Variants in KCNE4 observed in about 807,000 individuals in gnomAD.
KCNE4 encodes the protein potassium voltage-gated channel subfamily E regulatory subunit 4.
KCNE4 carries 6 observed loss-of-function variants against 9.2 expected under a neutral mutation model. That is an observed-to-expected ratio of 0.65 (90% CI 0.36 to 1.29). The LOEUF (loss-of-function observed/expected upper bound fraction) is 1.29. Among genes scored for constraint, KCNE4 ranks in the 50% most tolerant of loss-of-function variants. The pLI, the probability that KCNE4 is intolerant of heterozygous loss-of-function variation, is 0.03. For missense variants in KCNE4, 222 were observed against 228.8 expected, an observed-to-expected ratio of 0.97 and a Z score of 0.19; for synonymous variants, 115 against 103.2, an observed-to-expected ratio of 1.11 and a Z score of -0.70.
rs928146897 is a variant in KCNE4 at position 223,053,370 on chromosome 2, C to T, written c.*27C>T. ...ACCCCCGGGACCCCTGCCGGTGGCT[C>T]CATCAGCCAGCAACCTTAGAGAGAG... On this transcript the variant is annotated 3_prime_UTR_variant, in exon 2 of 2. Coordinates refer to ENST00000281830, the MANE Select transcript of KCNE4 (RefSeq NM_080671.4). This position sits in a 1 kb window ranked among gnomAD's most constrained non-coding sequence, Gnocchi z 4.1. 6 of 1,598,028 alleles carry T rather than the reference C, an allele frequency of 3.8e-6. No individual in the cohort carries two copies. Among genetic ancestry groups the T allele is most frequent in the Non-Finnish European group, 5.1e-6 (6 of 1,168,848 alleles).
Position 223,054,700 on chromosome 2 carries a change from C to G in KCNE4, c.*1357C>G, listed in dbSNP as rs1219427814. 2 of 166,942 alleles carry G rather than the reference C, an allele frequency of 1.2e-5. No individual in the cohort carries two copies. Among genetic ancestry groups the G allele is most frequent in the East Asian group, 3.9e-4 (2 of 5,188 alleles). 10.3% of individuals were successfully genotyped at this position (166,942 alleles called of 1,614,324 possible). A position where few individuals can be genotyped will look rare whatever the true frequency, so the allele number is the denominator to read the frequency against. On this transcript the variant is annotated 3_prime_UTR_variant, in exon 2 of 2. Coordinates refer to ENST00000281830, the MANE Select transcript of KCNE4 (RefSeq NM_080671.4). Reference sequence around the variant, plus strand: ...GTTAACACTCCCAGCTAAGGGAAAGCAAAGTCTAAAGGAAAACACACAGGA... The same window carrying G: ...GTTAACACTCCCAGCTAAGGGAAAGGAAAGTCTAAAGGAAAACACACAGGA...
rs41311849 is a variant in KCNE4, at chr2:223,055,605, A to G, written c.*2262A>G. 9.5e-3 allele frequency: 1,564 copies of G among 164,840 alleles called. 15 individuals are homozygous for G. The highest frequency in any genetic ancestry group is 0.039 in the South Asian group (189 of 4,832). The allele number at this position is 164,840 out of a possible 1,614,324, so 10.2% of individuals were successfully genotyped here. A position where few individuals can be genotyped will look rare whatever the true frequency, so the allele number is the denominator to read the frequency against. On this transcript the variant is annotated 3_prime_UTR_variant, in exon 2 of 2. Coordinates refer to ENST00000281830, the MANE Select transcript of KCNE4 (RefSeq NM_080671.4). ...ACAATATTTTTTAATTTAAATAAAT[A>G]AACACATTTTTTCCCTCCTGGGAAG...
Position 223,053,384 on chromosome 2 carries a change from C to A in KCNE4, c.*41C>A. 5.7e-6 allele frequency: 9 copies of A among 1,569,342 alleles called. No homozygotes were observed. The highest frequency in any genetic ancestry group is 7.9e-6 in the Non-Finnish European group (9 of 1,146,162). ...TGCCGGTGGCTCCATCAGCCAGCAA[C>A]CTTAGAGAGAGGAAAGACAGTTTTC... On this transcript the variant is annotated 3_prime_UTR_variant, in exon 2 of 2. Coordinates refer to ENST00000281830, the MANE Select transcript of KCNE4 (RefSeq NM_080671.4). The surrounding 1 kb of genome is among the most constrained non-coding windows in gnomAD (Gnocchi z 4.1).
In KCNE4 at chr2:223,053,217, C is replaced by T. The variant is rs1333618908; in HGVS notation, c.387C>T (p.Ser129=). Residue 129 remains serine, a synonymous_variant, in exon 2 of 2, where the codon TCC becomes TCT. Coordinates refer to ENST00000281830, the MANE Select transcript of KCNE4 (RefSeq NM_080671.4). The surrounding 1 kb of genome is among the most constrained non-coding windows in gnomAD (Gnocchi z 4.1). Reference sequence around the variant, plus strand: ...AAGGGGACAGCGTGAGCTCCGAGTCCTCCTCCCCGGACGTGCACCTCACCA... The same window carrying T: ...AAGGGGACAGCGTGAGCTCCGAGTCTTCCTCCCCGGACGTGCACCTCACCA... ...SMEGDSVSSE[S]SSPDVHLTIQ... The T allele has an allele frequency of 6.8e-6, 11 of 1,613,476 alleles. No individual in the cohort carries two copies. Among genetic ancestry groups the T allele is most frequent in the South Asian group, 1.1e-5 (1 of 91,058 alleles).
rs36085083 is a variant in KCNE4, at chr2:223,055,159, C to CTTT, written c.*1827_*1829dup. The CTTT allele has an allele frequency of 6.0e-4, 95 of 157,712 alleles. 1 individual carries two copies. The highest frequency in any genetic ancestry group is 1.9e-3 in the African/African-American group (75 of 40,192). The allele number at this position is 157,712 out of a possible 1,614,324, so 9.8% of individuals were successfully genotyped here. Reference sequence around the variant, plus strand: ...AGGCATGAGCCACTGCACCCGGCCACTTTTTTTTTTTTTAAAGAAAAATGC... The same window carrying CTTT: ...AGGCATGAGCCACTGCACCCGGCCACTTTTTTTTTTTTTTTTAAAGAAAAATGC... On this transcript the variant is annotated 3_prime_UTR_variant, in exon 2 of 2. Coordinates refer to ENST00000281830, the MANE Select transcript of KCNE4 (RefSeq NM_080671.4).
Position 223,053,487 on chromosome 2 carries a change from G to A in KCNE4, c.*144G>A. ...GTAAACCCCTGATTCGGGGTGGGGT[G>A]GGGGACTAGGCTCAGCCGGAACCAG... is the stretch of plus-strand genomic sequence containing the variant. On this transcript the variant is annotated 3_prime_UTR_variant, in exon 2 of 2. Transcript: ENST00000281830. This position sits in a 1 kb window ranked among gnomAD's most constrained non-coding sequence, Gnocchi z 4.1. The A allele has an allele frequency of 4.5e-6, 4 of 882,132 alleles. No individual in the cohort carries two copies. Among genetic ancestry groups the A allele is most frequent in the East Asian group, 2.7e-5 (1 of 37,734 alleles). 54.6% of individuals were successfully genotyped at this position (882,132 alleles called of 1,614,324 possible).
Position 223,053,220 on chromosome 2 carries a change from C to T in KCNE4, c.390C>T (p.Ser130=). 6.2e-7 allele frequency: 1 copy of T among 1,613,548 alleles called. No individual in the cohort carries two copies. Among genetic ancestry groups the T allele is most frequent in the Non-Finnish European group, 8.5e-7 (1 of 1,179,726 alleles). Residue 130 remains serine, a synonymous_variant, in exon 2 of 2, where the codon TCC becomes TCT. Transcript: ENST00000281830. The surrounding 1 kb of genome is among the most constrained non-coding windows in gnomAD (Gnocchi z 4.1). ...GGGACAGCGTGAGCTCCGAGTCCTC[C>T]TCCCCGGACGTGCACCTCACCATTC... The part of the protein sequence containing the change: ...MEGDSVSSES[S]SPDVHLTIQE...
rs1698715900 is a variant in KCNE4 at position 223,052,907 on chromosome 2, C to T, written c.77C>T (p.Ala26Val). 1 of 1,613,888 alleles carries T rather than the reference C, an allele frequency of 6.2e-7. No individual in the cohort carries two copies. The highest frequency in any genetic ancestry group is 1.1e-5 in the South Asian group (1 of 91,092). ...ASSSPLESRAAGGGSGNGNEY... is the reference protein window; with the variant it reads ...ASSSPLESRAVGGGSGNGNEY... ...AGCAGCCCCCTGGAGTCCCGTGCGG[C>T]CGGCGGCGGCAGCGGCAATGGCAAC... Residue 26 changes from alanine (A) to valine (V), a missense_variant, in exon 2 of 2, where the codon GCC becomes GTC. Transcript: ENST00000281830.
At chr2:223,052,472 A>G (rs755247381) in intron 1 of KCNE4, among the ~76,000 whole-genome samples, 198 bp downstream of exon 1, 2 of 150,550 alleles carry the variant, frequency 1.3e-5, no homozygotes, top group Non-Finnish European at 2.9e-5. Flanking sequence ...TACGTTTCCC[A>G]GTTTTAAAGA....
rs887530788 is a variant in KCNE4 at position 223,055,543 on chromosome 2, T to C, written c.*2200T>C. On this transcript the variant is annotated 3_prime_UTR_variant, in exon 2 of 2. Transcript: ENST00000281830. Reference sequence around the variant, plus strand: ...TTCCTTCTTATTCTGTTGAGTTGTATAGAATTGTCTTTTGTATTTAACACT... The same window carrying C: ...TTCCTTCTTATTCTGTTGAGTTGTACAGAATTGTCTTTTGTATTTAACACT... 2 of 167,072 alleles carry C rather than the reference T, an allele frequency of 1.2e-5. No individual in the cohort carries two copies. Among genetic ancestry groups the C allele is most frequent in the African/African-American group, 2.4e-5 (1 of 41,464 alleles). The allele number at this position is 167,072 out of a possible 1,614,324, so 10.3% of individuals were successfully genotyped here.
In KCNE4 at chr2:223,052,227, G is replaced by A; in HGVS notation, c.-71G>A. 2 of 1,235,766 alleles carry A rather than the reference G, an allele frequency of 1.6e-6. No homozygotes were observed. Among genetic ancestry groups the A allele is most frequent in the Non-Finnish European group, 2.0e-6 (2 of 990,526 alleles). The allele number at this position is 1,235,766 out of a possible 1,614,324, so 76.6% of individuals were successfully genotyped here. A position where few individuals can be genotyped will look rare whatever the true frequency, so the allele number is the denominator to read the frequency against. ...CGGACAGAGCAGAAGAACCCTCTTG[G>A]ACTGGACGATTTGGGAATTCAAAAC... On this transcript the variant is annotated 5_prime_UTR_variant, in exon 1 of 2. Coordinates refer to ENST00000281830, the MANE Select transcript of KCNE4 (RefSeq NM_080671.4).
chr2:223,054,836 T>C lies in KCNE4; in HGVS notation c.*1493T>C, dbSNP rs1043762637. On this transcript the variant is annotated 3_prime_UTR_variant, in exon 2 of 2. Coordinates refer to ENST00000281830, the MANE Select transcript of KCNE4 (RefSeq NM_080671.4). ...CAAATTTAAATCTATTTAAAAAAACTTTTAAAAAAATTATTTATTTATTAT... is the reference window on the plus strand; with the variant it reads ...CAAATTTAAATCTATTTAAAAAAACCTTTAAAAAAATTATTTATTTATTAT... The C allele has an allele frequency of 1.3e-4, 21 of 166,596 alleles. No homozygotes were observed. Among genetic ancestry groups the C allele is most frequent in the African/African-American group, 5.1e-4 (21 of 41,464 alleles). The allele number at this position is 166,596 out of a possible 1,614,324, so 10.3% of individuals were successfully genotyped here.
chr2:223,053,476 CG>C lies in KCNE4; in HGVS notation c.*137del, dbSNP rs776220796. 6 of 976,410 alleles carry C rather than the reference CG, an allele frequency of 6.1e-6. No individual in the cohort carries two copies. Among genetic ancestry groups the C allele is most frequent in the Non-Finnish European group, 9.5e-6 (6 of 630,552 alleles). The allele number at this position is 976,410 out of a possible 1,614,324, so 60.5% of individuals were successfully genotyped here. On this transcript the variant is annotated 3_prime_UTR_variant, in exon 2 of 2. Coordinates refer to ENST00000281830, the MANE Select transcript of KCNE4 (RefSeq NM_080671.4). The surrounding 1 kb of genome is among the most constrained non-coding windows in gnomAD (Gnocchi z 4.1). Reference sequence around the variant, plus strand: ...AGAGACCCTTGGTAAACCCCTGATTCGGGGTGGGGTGGGGGACTAGGCTCAG... The same window carrying C: ...AGAGACCCTTGGTAAACCCCTGATTCGGGTGGGGTGGGGGACTAGGCTCAG...
intron 1 of KCNE4, among the ~76,000 whole-genome samples, 157 bp downstream of exon 1, chr2:223,052,431 C>T (rs1333326033): frequency 2.2e-4 from 34 of 152,016 alleles, no homozygotes; most frequent in Admixed American, 2.2e-3. Flanking sequence ...TTTGGAAACA[C>T]AATGTAAACT....
Position 223,053,094 on chromosome 2 carries a change from T to G in KCNE4, c.264T>G (p.Pro88=), listed in dbSNP as rs10201907. Residue 88 remains proline, a synonymous_variant, in exon 2 of 2, where the codon CCT becomes CCG. Coordinates refer to ENST00000281830, the MANE Select transcript of KCNE4 (RefSeq NM_080671.4). This position sits in a 1 kb window ranked among gnomAD's most constrained non-coding sequence, Gnocchi z 4.1. ...GGGGGGAGGCCATGAAGCCGCTGCC[T>G]GTGGTGTCGGGCCTGAGGTCGGTGC... ...RLWGEAMKPL[P]VVSGLRSVQV... is the part of the protein sequence containing the mutation. 2.5e-6 allele frequency: 4 copies of G among 1,613,908 alleles called. No individual in the cohort carries two copies. The highest frequency in any genetic ancestry group is 3.4e-6 in the Non-Finnish European group (4 of 1,180,024).
chr2:223,053,114 C>A lies in KCNE4; in HGVS notation c.284C>A (p.Ser95Ter). 6.2e-7 allele frequency: 1 copy of A among 1,613,722 alleles called. No individual in the cohort carries two copies. The highest frequency in any genetic ancestry group is 1.1e-5 in the South Asian group (1 of 91,064). The change falls in exon 2 of 2, where the codon TCG becomes TAG. Residue 95 changes from serine (S) to a stop codon, truncating the protein, a stop_gained. Transcript: ENST00000281830. LOFTEE classifies it high-confidence loss of function. The surrounding 1 kb of genome is among the most constrained non-coding windows in gnomAD (Gnocchi z 4.1). ...CTGCCTGTGGTGTCGGGCCTGAGGT[C>A]GGTGCAGGTGCCCCTGATGCTGAAC... ...KPLPVVSGLRSVQVPLMLNML... is the reference protein window; with the variant it reads ...KPLPVVSGLR
chr2:223,054,802 G>C lies in KCNE4; in HGVS notation c.*1459G>C, dbSNP rs892553956. 2 of 166,650 alleles carry C rather than the reference G, an allele frequency of 1.2e-5. No individual in the cohort carries two copies. Among genetic ancestry groups the C allele is most frequent in the Non-Finnish European group, 2.9e-5 (2 of 68,102 alleles). The allele number at this position is 166,650 out of a possible 1,614,324, so 10.3% of individuals were successfully genotyped here. On this transcript the variant is annotated 3_prime_UTR_variant, in exon 2 of 2. Transcript: ENST00000281830. ...TTAGGCCCTTAAAGACAAGGAGGAA[G>C]TAAAAGGTCAAATTTAAATCTATTT...
At position 223,053,063 on chromosome 2, in the gene KCNE4, G is replaced by C. The variant is rs769218724; in HGVS notation, c.233G>C (p.Arg78Pro). The change falls in exon 2 of 2, where the codon CGG (arginine) becomes CCG (proline). Residue 78 changes from arginine to proline, a missense_variant. By Grantham distance (103) the Arg-to-Pro change is moderately radical. Transcript: ENST00000281830. The surrounding 1 kb of genome is among the most constrained non-coding windows in gnomAD (Gnocchi z 4.1). ...SLLLLYKDEE[R>P]LWGEAMKPLP... The stretch of plus-strand genomic sequence containing the variant: ...CTGCTGCTGTACAAAGACGAGGAGC[G>C]GCTCTGGGGGGAGGCCATGAAGCCG... The C allele has an allele frequency of 3.1e-6, 5 of 1,613,896 alleles. No homozygotes were observed. The highest frequency in any genetic ancestry group is 2.5e-6 in the Non-Finnish European group (3 of 1,180,000).
rs1698749560 is a variant in KCNE4, at chr2:223,055,218, G to A, written c.*1875G>A. On this transcript the variant is annotated 3_prime_UTR_variant, in exon 2 of 2. Transcript: ENST00000281830. ...GATTGGAGACACAGCAATAACTACTGTTGCCATGGAAGGGTTAACAGTGTA... is the reference window on the plus strand; with the variant it reads ...GATTGGAGACACAGCAATAACTACTATTGCCATGGAAGGGTTAACAGTGTA... 6.0e-6 allele frequency: 1 copy of A among 166,090 alleles called. No individual in the cohort carries two copies. Among genetic ancestry groups the A allele is most frequent in the South Asian group, 2.1e-4 (1 of 4,804 alleles). 10.3% of individuals were successfully genotyped at this position (166,090 alleles called of 1,614,324 possible). A position where few individuals can be genotyped will look rare whatever the true frequency, so the allele number is the denominator to read the frequency against.
Sources: gnomAD v4.1 joint callset for allele counts (sites outside exome capture counted in the v4.1 genomes callset) on GRCh38, gnomAD v4.1.1 for gene constraint, Gnocchi (gnomAD v3.1) non-coding constraint, MANE v1.5 for transcripts, NCBI Gene and HGNC (gene_info 2026-07-23, HGNC 2026-07-21) for gene names.